CEP250: variants seen among roughly 807,000 people sequenced by gnomAD.
CEP250 encodes the protein centrosomal protein 250.
A neutral mutation model predicts 315.7 loss-of-function variants in CEP250; 242 were observed. That is an observed-to-expected ratio of 0.77 (90% CI 0.69 to 0.85). CEP250 has a LOEUF of 0.85. Ranked by LOEUF, CEP250 falls within the 40% of genes least tolerant of loss-of-function variation. The probability of loss-of-function intolerance (pLI) is 0.00; values close to 1 mark genes in which losing one functional copy is unlikely to be tolerated. For synonymous variants in CEP250, 1,088 were observed against 1,175.0 expected (o/e 0.93, Z 1.51); for missense variants, 2,515 against 2,886.4 (o/e 0.87, Z 2.95).
Position 35,518,135 on chromosome 20 carries a change from TG to T in CEP250, c.*6510del, listed in dbSNP as rs1222649385. ...ACTCCTCTTCAGAGGCAGCGGGTTT[TG>T]TTTTTTTTTTAACTATGTTTTTCTA... On this transcript the variant is annotated 3_prime_UTR_variant, in exon 35 of 35. Transcript: ENST00000397527. 87,776 of 141,058 alleles carry T rather than the reference TG, an allele frequency of 0.62. 28,900 individuals are homozygous for T. Among genetic ancestry groups the T allele is most frequent in the Non-Finnish European group, 0.75 (49,516 of 66,196 alleles). 8.7% of individuals were successfully genotyped at this position (141,058 alleles called of 1,614,324 possible).
chr20:35,500,742 G>A (rs1227704188), intron 28 of CEP250, among the ~76,000 whole-genome samples: 1 of 152,228 alleles, frequency 6.6e-6, no homozygotes. Flanking sequence ...AATGTGAGGT[G>A]AGATCTAGAT....
rs2064442706 is a variant in CEP250 at position 35,517,055 on chromosome 20, A to T, written c.*5429A>T. The T allele has an allele frequency of 1.0e-6, 1 of 983,784 alleles. No homozygotes were observed. The highest frequency in any genetic ancestry group is 1.8e-5 in the African/African-American group (1 of 57,104). The allele number at this position is 983,784 out of a possible 1,614,324, so 60.9% of individuals were successfully genotyped here. A position where few individuals can be genotyped will look rare whatever the true frequency, so the allele number is the denominator to read the frequency against. On this transcript the variant is annotated 3_prime_UTR_variant, in exon 35 of 35. Transcript: ENST00000397527. ...GAAAAGTGGGAAGCCATGGTCACAG[A>T]CTCTACATTCCCCTCTCCTGTTGGC...
intron 22 of CEP250, among the ~76,000 whole-genome samples, chr20:35,491,894 T>TAA (rs2063706531): frequency 8.9e-5 from 2 of 22,432 alleles, no homozygotes; most frequent in Admixed American, 6.9e-4. Flanking sequence ...AGAGCGAGTC[T>TAA]CAAAAAAAAA....
Position 35,462,570 on chromosome 20 carries a change from T to C in CEP250, c.186+17T>C. On this transcript the variant is annotated intron_variant, in intron 4 of 34. Coordinates refer to ENST00000397527, the MANE Select transcript of CEP250 (RefSeq NM_007186.6). ...CAGGCCAAGGTGAGGCAGCTGCCCT[T>C]TTGGGGAGGGGAAAGAGAACAACCC... The C allele has an allele frequency of 6.3e-7, 1 of 1,576,254 alleles. No individual in the cohort carries two copies. Among genetic ancestry groups the C allele is most frequent in the African/African-American group, 1.4e-5 (1 of 74,072 alleles).
chr20:35,502,597 G>A lies in CEP250; in HGVS notation c.4228G>A (p.Glu1410Lys), dbSNP rs965620258. 21 of 1,614,120 alleles carry A rather than the reference G, an allele frequency of 1.3e-5. No homozygotes were observed. The highest frequency in any genetic ancestry group is 3.3e-5 in the South Asian group (3 of 91,094). ...AGCCCAGGCTCTGCAAGAGCAGGGC[G>A]AACTGAAGGTGGCCCAAGGGAAGGC... ...ERAQALQEQG[E>K]LKVAQGKALQ... The change falls in exon 30 of 35, where the codon GAA becomes AAA. Residue 1410 changes from glutamate to lysine, a missense_variant. By Grantham distance (56) the Glu-to-Lys change is moderately conservative. Coordinates refer to ENST00000397527, the MANE Select transcript of CEP250 (RefSeq NM_007186.6).
At position 35,463,587 on chromosome 20, in the gene CEP250, C is replaced by T. The variant is rs368932742; in HGVS notation, c.199C>T (p.Arg67Ter). 8.1e-6 allele frequency: 13 copies of T among 1,609,474 alleles called. No individual in the cohort carries two copies. Among genetic ancestry groups the T allele is most frequent in the East Asian group, 2.2e-5 (1 of 44,546 alleles). ...RKLQAKVLQYRSWCQELEKRL... is the reference protein window; with the variant it reads ...RKLQAKVLQY Reference sequence around the variant, plus strand: ...CTTTTTGCTGCAGGTGCTGCAGTACCGAAGCTGGTGCCAAGAGCTGGAGAA... The same window carrying T: ...CTTTTTGCTGCAGGTGCTGCAGTACTGAAGCTGGTGCCAAGAGCTGGAGAA... The change falls in exon 5 of 35, where the codon CGA (arginine) becomes TGA (stop). Residue 67 changes from arginine (R) to a stop codon, truncating the protein, a stop_gained. Coordinates refer to ENST00000397527, the MANE Select transcript of CEP250 (RefSeq NM_007186.6). LOFTEE classifies it high-confidence loss of function.
At chr20:35,492,471 G>A (rs1601250574) in intron 22 of CEP250, among the ~76,000 whole-genome samples, 1 of 151,956 alleles carries the variant, frequency 6.6e-6, no homozygotes, top group South Asian at 2.1e-4. Flanking sequence ...GAATTGTATG[G>A]TATATGAGTT....
In CEP250 at chr20:35,491,275, G is replaced by T; in HGVS notation, c.2818G>T (p.Glu940Ter). The change falls in exon 22 of 35, where the codon GAG becomes TAG. Residue 940 changes from glutamate to a stop codon, truncating the protein, a stop_gained. Transcript: ENST00000397527. LOFTEE classifies it high-confidence loss of function. Reference protein sequence around the residue: ...LLETLLQTQKELADASQQLER... With the variant: ...LLETLLQTQK ...GGAGACACTGCTGCAGACGCAGAAG[G>T]AGCTAGCAGATGCCAGCCAACAACT... 2 of 1,607,372 alleles carry T rather than the reference G, an allele frequency of 1.2e-6. No homozygotes were observed. The highest frequency in any genetic ancestry group is 1.7e-6 in the Non-Finnish European group (2 of 1,176,626).
In CEP250 at chr20:35,497,819, A is replaced by G. The variant is rs2063885219; in HGVS notation, c.3407A>G (p.Gln1136Arg). Residue 1136 changes from glutamine to arginine, a missense_variant, in exon 26 of 35, where the codon CAG becomes CGG. Physicochemically the swap from Gln to Arg is conservative, Grantham distance 43. Coordinates refer to ENST00000397527, the MANE Select transcript of CEP250 (RefSeq NM_007186.6). ...CTGGAGGCGTCTCATATCACGGAGCAGCAGCTGCGAGCCTCCTTGTGGGCC... is the reference window on the plus strand; with the variant it reads ...CTGGAGGCGTCTCATATCACGGAGCGGCAGCTGCGAGCCTCCTTGTGGGCC... The part of the protein sequence containing the change: ...EELEASHITE[Q>R]QLRASLWAQE... 1.3e-6 allele frequency: 2 copies of G among 1,565,634 alleles called. No individual in the cohort carries two copies. The highest frequency in any genetic ancestry group is 1.7e-6 in the Non-Finnish European group (2 of 1,154,916).
intron 30 of CEP250, among the ~76,000 whole-genome samples, chr20:35,505,774 A>G (rs756619852): frequency 6.6e-6 from 1 of 151,986 alleles, no homozygotes; most frequent in Non-Finnish European, 1.5e-5. Flanking sequence ...ATCTGTGTAG[A>G]TGGTTCAGGT....
At chr20:35,464,585 A>G (rs574931013) in intron 5 of CEP250, among the ~76,000 whole-genome samples, 9 of 152,326 alleles carry the variant, frequency 5.9e-5, no homozygotes, top group Admixed American at 5.9e-4. Flanking sequence ...AGTGTGAGCC[A>G]CTGCATCTGG....
rs2064446673 is a variant in CEP250, at chr20:35,517,532, CTT to C, written c.*5911_*5912del. 1.3e-5 allele frequency: 2 copies of C among 152,142 alleles called. No homozygotes were observed. The highest frequency in any genetic ancestry group is 1.3e-4 in the Admixed American group (2 of 15,272). The allele number at this position is 152,142 out of a possible 1,614,324, so 9.4% of individuals were successfully genotyped here. A position where few individuals can be genotyped will look rare whatever the true frequency, so the allele number is the denominator to read the frequency against. Reference sequence around the variant, plus strand: ...AAAATAAATTTCCCATGCATCCAAACTTTTTTCTTTGGTAGACTTTCTTGTCA... The same window carrying C: ...AAAATAAATTTCCCATGCATCCAAACTTTTCTTTGGTAGACTTTCTTGTCA... On this transcript the variant is annotated 3_prime_UTR_variant, in exon 35 of 35. Coordinates refer to ENST00000397527, the MANE Select transcript of CEP250 (RefSeq NM_007186.6).
chr20:35,470,199 C>T, intron 10 of CEP250: 1 of 585,792 alleles, frequency 1.7e-6, no homozygotes, highest in Non-Finnish European at 3.1e-6. Flanking sequence ...TACTGTATTC[C>T]TGGGGAAATT....
rs946185467 is a variant in CEP250, at chr20:35,513,551, C to G, written c.*1925C>G. 1.3e-5 allele frequency: 2 copies of G among 152,240 alleles called. No individual in the cohort carries two copies. Among genetic ancestry groups the G allele is most frequent in the African/African-American group, 4.8e-5 (2 of 41,458 alleles). 9.4% of individuals were successfully genotyped at this position (152,240 alleles called of 1,614,324 possible). A position where few individuals can be genotyped will look rare whatever the true frequency, so the allele number is the denominator to read the frequency against. On this transcript the variant is annotated 3_prime_UTR_variant, in exon 35 of 35. Transcript: ENST00000397527. ...GGGATTACGGGCATGAGCCACCGCG[C>G]CCGGCCCTTTAGGCCATTTTTATGC... is the stretch of plus-strand genomic sequence containing the variant.
chr20:35,503,341 C>G lies in CEP250; in HGVS notation c.4972C>G (p.Gln1658Glu). The stretch of plus-strand genomic sequence containing the variant: ...GACTCAGGATCTCGAGAGGAGAGAC[C>G]AGGAGCTGATGCTGCAGAAGGAGAG... Reference protein sequence around the residue: ...HLTQDLERRDQELMLQKERIQ... With the variant: ...HLTQDLERRDEELMLQKERIQ... The change falls in exon 30 of 35, where the codon CAG becomes GAG. Residue 1658 changes from glutamine to glutamate, a missense_variant. Coordinates refer to ENST00000397527, the MANE Select transcript of CEP250 (RefSeq NM_007186.6). This position sits in a 1 kb window ranked among gnomAD's most constrained non-coding sequence, Gnocchi z 4.2. 6.2e-7 allele frequency: 1 copy of G among 1,614,022 alleles called. No individual in the cohort carries two copies. Among genetic ancestry groups the G allele is most frequent in the South Asian group, 1.1e-5 (1 of 91,072 alleles).
chr20:35,477,997 C>A lies in CEP250; in HGVS notation c.1990C>A (p.Leu664Met). 7 of 1,613,976 alleles carry A rather than the reference C, an allele frequency of 4.3e-6. No individual in the cohort carries two copies. Among genetic ancestry groups the A allele is most frequent in the Non-Finnish European group, 5.1e-6 (6 of 1,179,982 alleles). Residue 664 changes from leucine (L) to methionine (M), a missense_variant, in exon 17 of 35, where the codon CTG (leucine) becomes ATG (methionine). Physicochemically the swap from Leu to Met is conservative, Grantham distance 15 (BLOSUM62 2). Coordinates refer to ENST00000397527, the MANE Select transcript of CEP250 (RefSeq NM_007186.6). ...AGCCCTGTGGGAAAAGAACACTCAC[C>A]TGGAGGCTCAGCTGCAGAAAGCTGA... ...REALWEKNTH[L>M]EAQLQKAEEA...
rs116007519 is a variant in CEP250 at position 35,468,315 on chromosome 20, A to G, written c.851+760A>G. On this transcript the variant is annotated intron_variant, in intron 9 of 34. Transcript: ENST00000397527. ...GCCTGCTAAGTTACTGTGCCCTTGT[A>G]GTCTTTTGACCTCTTATTACAGCAT... Among the ~76,000 whole-genome samples the G allele has an allele frequency of 9.2e-3, 1,399 of 152,252 alleles. 16 individuals carry two copies. Among genetic ancestry groups the G allele is most frequent in the African/African-American group, 0.031 (1,295 of 41,548 alleles).
At chr20:35,476,722 CT>C in intron 16 of CEP250, 127 bp downstream of exon 16, 2 of 786,728 alleles carry the variant, frequency 2.5e-6, no homozygotes, top group Non-Finnish European at 4.0e-6. Flanking sequence ...AGAGCAAAGA[CT>C]GTAAGGATTG....
At chr20:35,494,437 CGAAGGACCCT>C in intron 23 of CEP250, 77 bp from the exon 24 acceptor site, 1 of 1,556,768 alleles carries the variant, frequency 6.4e-7, no homozygotes, top group Non-Finnish European at 8.7e-7. Flanking sequence ...TGGTAAACCT[CGAAGGACCCT>C]GAAGCCCTAG....
Sources: gnomAD v4.1 joint callset for allele counts (sites outside exome capture counted in the v4.1 genomes callset) on GRCh38, gnomAD v4.1.1 for gene constraint, Gnocchi (gnomAD v3.1) non-coding constraint, MANE v1.5 for transcripts, NCBI Gene and HGNC (gene_info 2026-07-23, HGNC 2026-07-21) for gene names.